The following DAAM1 variants were observed in gnomAD, a reference collection of about 807,000 sequenced individuals.
DAAM1 encodes dishevelled associated activator of morphogenesis 1.
In DAAM1, 52 loss-of-function variants were observed where a neutral mutation model predicts 130.0. That is an observed-to-expected ratio of 0.40 (90% confidence interval 0.32 to 0.50). The LOEUF (loss-of-function observed/expected upper bound fraction) is 0.50, where lower values mean the gene tolerates loss of function less well. Among genes scored for constraint, DAAM1 ranks in the 20% least tolerant of loss-of-function variants. The pLI is 0.61. For missense variants in DAAM1, 1,134 were observed against 1,303.8 expected (o/e 0.87, Z 2.01); for synonymous variants, 452 against 444.5 (o/e 1.02, Z -0.21).
At chr14:59,315,176 A>G in intron 3 of DAAM1, 104 bp from the exon 4 acceptor site, 1 of 986,096 alleles carries the variant, frequency 1.0e-6, no homozygotes, top group Admixed American at 1.7e-5. Context: ...TGTCTTCTAA[A>G]GGCTTGAGTG....
intron 1 of DAAM1, among the ~76,000 whole-genome samples, chr14:59,228,189 TGTAATCACAGTGTCAAC>T (rs1888999693): frequency 6.6e-6 from 1 of 152,128 alleles, no homozygotes; most frequent in Admixed American, 6.6e-5. Flanking sequence ...GATGGGAAAA[TGTAATCACAGTGTCAAC>T]ATTCTGTCAT....
chr14:59,238,758 A>AT (rs926009358), intron 1 of DAAM1, among the ~76,000 whole-genome samples: 9 of 151,522 alleles, frequency 5.9e-5, no homozygotes, highest in East Asian at 3.9e-4. Context: ...ACTTCTGAAT[A>AT]TTTTTTTTTG....
intron 1 of DAAM1, among the ~76,000 whole-genome samples, chr14:59,215,564 A>C (rs901294055): frequency 3.9e-5 from 6 of 152,212 alleles, no homozygotes; most frequent in African/African-American, 1.4e-4. Context: ...GGCCTGCACC[A>C]GGCCGAAGTG....
chr14:59,318,035 A>G (rs949649159), intron 4 of DAAM1, among the ~76,000 whole-genome samples: 3 of 152,192 alleles, frequency 2.0e-5, no homozygotes, highest in African/African-American at 7.2e-5. Flanking sequence ...AACAAGTTCA[A>G]TTACTTTATG....
intron 1 of DAAM1, among the ~76,000 whole-genome samples, chr14:59,223,476 G>A (rs1295505788): frequency 1.3e-5 from 2 of 152,236 alleles, no homozygotes; most frequent in Non-Finnish European, 2.9e-5. Context: ...CAATTCATTT[G>A]TAGGATCCTG....
chr14:59,343,715 G>A (rs1046243555), intron 16 of DAAM1, among the ~76,000 whole-genome samples: 3 of 152,174 alleles, frequency 2.0e-5, no homozygotes, highest in Non-Finnish European at 4.4e-5. Flanking sequence ...GCTTTCTCTG[G>A]AGCCAAGCAG....
chr14:59,282,501 T>A (rs929107975), intron 2 of DAAM1, among the ~76,000 whole-genome samples: 24 of 152,102 alleles, frequency 1.6e-4, no homozygotes, highest in Non-Finnish European at 2.8e-4. Flanking sequence ...GGATATCTGA[T>A]AACAAATCCC....
At chr14:59,368,545 G>C in intron 24 of DAAM1, 105 bp from the exon 25 acceptor site, 1 of 1,169,594 alleles carries the variant, frequency 8.5e-7, no homozygotes, top group East Asian at 2.6e-5. Flanking sequence ...GATGAGCATA[G>C]CTTGGTGTCT....
intron 1 of DAAM1, among the ~76,000 whole-genome samples, chr14:59,220,368 G>A (rs1358706225): frequency 6.6e-6 from 1 of 152,088 alleles, no homozygotes; most frequent in Admixed American, 6.5e-5. Flanking sequence ...GTGGATTGTT[G>A]TTTGGTCTTA....
intron 2 of DAAM1, among the ~76,000 whole-genome samples, chr14:59,280,605 A>G (rs960552198): frequency 6.7e-6 from 1 of 148,776 alleles, no homozygotes; most frequent in Non-Finnish European, 1.5e-5. Flanking sequence ...GCAAAGATGA[A>G]TAGAACAAAT....
At chr14:59,314,478 T>C (rs1012281583) in intron 3 of DAAM1, among the ~76,000 whole-genome samples, 1 of 142,698 alleles carries the variant, frequency 7.0e-6, no homozygotes, top group Non-Finnish European at 1.6e-5. Context: ...CACTGATAAC[T>C]GATTTTTTTT....
intron 1 of DAAM1, among the ~76,000 whole-genome samples, chr14:59,226,789 A>C (rs12433411): frequency 6.6e-6 from 1 of 151,990 alleles, no homozygotes; most frequent in South Asian, 2.1e-4. Context: ...GGAAACATTT[A>C]CCCTGCAAAT....
chr14:59,257,623 T>G (rs1881965258), intron 1 of DAAM1, among the ~76,000 whole-genome samples: 1 of 152,170 alleles, frequency 6.6e-6, no homozygotes, highest in Non-Finnish European at 1.5e-5. Flanking sequence ...GAGGCATGTT[T>G]AGGGTATTGG....
intron 1 of DAAM1, among the ~76,000 whole-genome samples, chr14:59,236,740 G>T (rs1231347659): frequency 6.6e-6 from 1 of 152,136 alleles, no homozygotes; most frequent in Non-Finnish European, 1.5e-5. Context: ...TCATCTGTCT[G>T]GTTCATTGCT....
chr14:59,263,688 T>C, intron 2 of DAAM1, 28 bp downstream of exon 2: 1 of 1,604,546 alleles, frequency 6.2e-7, no homozygotes, highest in Non-Finnish European at 8.5e-7. Flanking sequence ...ATCCTGGCAT[T>C]GGTGGGGAGC....
chr14:59,348,869 T>C (rs1367528631), intron 17 of DAAM1, among the ~76,000 whole-genome samples: 1 of 152,186 alleles, frequency 6.6e-6, no homozygotes, highest in Non-Finnish European at 1.5e-5. Context: ...CCTCTGCGGC[T>C]GGAATAGTCC....
At chr14:59,245,747 A>G (rs572229572) in intron 1 of DAAM1, among the ~76,000 whole-genome samples, 1 of 152,304 alleles carries the variant, frequency 6.6e-6, no homozygotes, top group Non-Finnish European at 1.5e-5. Context: ...CCATCGCCCC[A>G]TTGTAAATTG....
At chr14:59,329,833 G>A (rs534005519) in intron 12 of DAAM1, among the ~76,000 whole-genome samples, 4 of 152,256 alleles carry the variant, frequency 2.6e-5, no homozygotes, top group South Asian at 2.1e-4. Context: ...CATGATTTTC[G>A]CGTTCTACTG....
At chr14:59,329,225 C>T (rs1334788103) in intron 12 of DAAM1, among the ~76,000 whole-genome samples, 1 of 152,104 alleles carries the variant, frequency 6.6e-6, no homozygotes, top group African/African-American at 2.4e-5. Flanking sequence ...TCAGGTAATT[C>T]TGAGACACAG....
Sources: gnomAD v4.1 joint callset for allele counts (sites outside exome capture counted in the v4.1 genomes callset) on GRCh38, gnomAD v4.1.1 for gene constraint, MANE v1.5 for transcripts, NCBI Gene and HGNC (gene_info 2026-07-23, HGNC 2026-07-21) for gene names.